Variants in ECHDC2 observed in about 807,000 individuals in gnomAD.
ECHDC2 encodes enoyl-CoA hydratase domain-containing protein 2, mitochondrial.
Under a neutral mutation model 40.6 loss-of-function variants are expected in ECHDC2, and 34 were observed. The ratio of observed to expected loss-of-function variants is 0.84; its 90% CI spans 0.64 to 1.11. The LOEUF is 1.11. ECHDC2 is among the 50% of genes most tolerant of loss of function. The probability of loss-of-function intolerance (pLI) is 0.00; values close to 1 mark genes in which losing one functional copy is unlikely to be tolerated. For missense variants in ECHDC2, 392 were observed against 400.7 expected, an observed-to-expected ratio of 0.98 and a Z score of 0.19; for synonymous variants, 162 against 166.6, an observed-to-expected ratio of 0.97 and a Z score of 0.21.
Position 52,908,015 on chromosome 1 carries a change from CGGTT to C in ECHDC2, c.278-65_278-62del, listed in dbSNP as rs1557498371. The C allele has an allele frequency of 4.0e-6, 6 of 1,514,828 alleles. No individual in the cohort carries two copies. The African/African-American group carries it at 6.9e-5, about 17-fold the overall frequency. 93.8% of individuals were successfully genotyped at this position (1,514,828 alleles called of 1,614,324 possible). The stretch of plus-strand genomic sequence containing the variant: ...AAATGGCACTTTACGGAATCCCAGG[CGGTT>C]AAAGGATCCAGCAAAGAAGACCTGA... On this transcript the variant is annotated intron_variant, in intron 3 of 9. Transcript: ENST00000371522.
chr1:52,907,621 A>T, intron 4 of ECHDC2: 4 of 435,696 alleles, frequency 9.2e-6, no homozygotes, highest in Non-Finnish European at 1.6e-5. Context: ...GGGGAAACTT[A>T]ACTGCTTTGG....
chr1:52,912,027 A>C, intron 1 of ECHDC2: 2 of 1,413,664 alleles, frequency 1.4e-6, no homozygotes, highest in Non-Finnish European at 1.8e-6. Flanking sequence ...GTAAACTGTG[A>C]AGCAAAATGG....
intron 7 of ECHDC2, among the ~76,000 whole-genome samples, chr1:52,903,473 G>A (rs537764070): frequency 2.0e-5 from 3 of 151,828 alleles, no homozygotes; most frequent in Admixed American, 6.6e-5. Context: ...TTTTAGCAAC[G>A]GGATTTTGCT....
rs1557513829 is a variant in ECHDC2, at chr1:52,914,145, G to A, written c.122-2355C>T. The stretch of plus-strand genomic sequence containing the variant: ...TAATTACTATTTGTGAGGAGAACTT[G>A]GAGAAAAAGGACAAACAAGTAAGGG... On this transcript the variant is annotated intron_variant, in intron 1 of 9. Transcript: ENST00000371522. This position sits in a 1 kb window ranked among gnomAD's most constrained non-coding sequence, Gnocchi z 4.0. The A allele has an allele frequency of 4.2e-6, 2 of 476,948 alleles. No individual in the cohort carries two copies. Among genetic ancestry groups the A allele is most frequent in the Non-Finnish European group, 4.0e-6 (1 of 247,674 alleles). The allele number at this position is 476,948 out of a possible 1,614,324, so 29.5% of individuals were successfully genotyped here.
chr1:52,920,131 C>T (rs1185964347), intron 1 of ECHDC2, among the ~76,000 whole-genome samples: 1 of 152,148 alleles, frequency 6.6e-6, no homozygotes, highest in Non-Finnish European at 1.5e-5. Context: ...TCTTGACTGT[C>T]TTAAGAGCTG....
chr1:52,899,320 T>G, intron 7 of ECHDC2, 96 bp from the exon 8 acceptor site: 12 of 1,145,580 alleles, frequency 1.0e-5, no homozygotes, highest in African/African-American at 1.5e-5. Context: ...GGGAGGCAGA[T>G]GTCTGGGTCT....
At chr1:52,910,920 C>T (rs1000175850) in intron 3 of ECHDC2, among the ~76,000 whole-genome samples, 1 of 152,192 alleles carries the variant, frequency 6.6e-6, no homozygotes, top group Non-Finnish European at 1.5e-5. Context: ...TCCTAGACTA[C>T]AGGAAGTCAG....
intron 7 of ECHDC2, 115 bp downstream of exon 7, chr1:52,904,531 A>C: frequency 1.1e-6 from 1 of 921,108 alleles, no homozygotes; most frequent in Non-Finnish European, 1.6e-6. Flanking sequence ...AACTCCAAAG[A>C]GGGTTAATCA....
intron 3 of ECHDC2, among the ~76,000 whole-genome samples, chr1:52,909,586 T>A (rs1192122269): frequency 6.6e-6 from 1 of 151,740 alleles, no homozygotes; most frequent in African/African-American, 2.4e-5. Flanking sequence ...GTTTACAAAT[T>A]TGTGTTGGGC....
chr1:52,910,630 A>C (rs1649238992), intron 3 of ECHDC2, among the ~76,000 whole-genome samples: 1 of 152,186 alleles, frequency 6.6e-6, no homozygotes, highest in Non-Finnish European at 1.5e-5. Context: ...CGGCCTCCCA[A>C]AGTGCTGGGA....
Position 52,911,751 on chromosome 1 carries a change from T to C in ECHDC2, c.161A>G (p.Asn54Ser), listed in dbSNP as rs1356397403. 6.2e-7 allele frequency: 1 copy of C among 1,611,148 alleles called. No individual in the cohort carries two copies. The highest frequency in any genetic ancestry group is 1.3e-5 in the African/African-American group (1 of 74,826). ...EILMNRPSAR[N>S]ALGNVFVSEL... Reference sequence around the variant, plus strand: ...ACTGACGAAGACATTCCCCAAGGCATTGCGGGCAGAAGGTCTGTTCATCAG... The same window carrying C: ...ACTGACGAAGACATTCCCCAAGGCACTGCGGGCAGAAGGTCTGTTCATCAG... The change falls in exon 2 of 10, where the codon AAT (asparagine) becomes AGT (serine). Residue 54 changes from asparagine (N) to serine (S), a missense_variant. Coordinates refer to ENST00000371522, the MANE Select transcript of ECHDC2 (RefSeq NM_001198961.2).
chr1:52,910,330 A>T (rs1276182541), intron 3 of ECHDC2, among the ~76,000 whole-genome samples: 3 of 92,438 alleles, frequency 3.2e-5, no homozygotes, highest in South Asian at 3.8e-4. Flanking sequence ...ATTTTGTGTT[A>T]CTTATATTTC....
intron 7 of ECHDC2, among the ~76,000 whole-genome samples, chr1:52,902,226 G>A (rs912604148): frequency 6.6e-6 from 1 of 152,078 alleles, no homozygotes; most frequent in Non-Finnish European, 1.5e-5. Flanking sequence ...GTGCGATCTC[G>A]GCTCACTGCA....
At position 52,899,161 on chromosome 1, in the gene ECHDC2, A is replaced by C. The variant is rs1287908482; in HGVS notation, c.753+13T>G. The C allele has an allele frequency of 1.2e-6, 2 of 1,614,138 alleles. No homozygotes were observed. The highest frequency in any genetic ancestry group is 3.3e-5 in the Admixed American group (2 of 60,022). ...CTTTAGTGGACCCAAGTCCCAACCC[A>C]AAACCCTCTCACCTCCGTTCCTCGG... On this transcript the variant is annotated intron_variant, in intron 8 of 9. Transcript: ENST00000371522.
At chr1:52,906,439 G>T in intron 5 of ECHDC2, 80 bp downstream of exon 5, 1 of 1,207,422 alleles carries the variant, frequency 8.3e-7, no homozygotes, top group Non-Finnish European at 1.2e-6. Context: ...GTGGCTGACT[G>T]CAGAATGTCC....
At chr1:52,907,808 G>A (rs1003891859) in intron 4 of ECHDC2, 60 bp downstream of exon 4, 23 of 1,419,346 alleles carry the variant, frequency 1.6e-5, no homozygotes, top group South Asian at 2.4e-5. Flanking sequence ...TGGGGGTAGC[G>A]GGACTGTCAT....
intron 1 of ECHDC2, among the ~76,000 whole-genome samples, chr1:52,916,952 G>A (rs1353925488): frequency 2.6e-5 from 4 of 152,170 alleles, no homozygotes; most frequent in Admixed American, 2.6e-4. Flanking sequence ...GGCCAGGCGT[G>A]GTGGCTCACG....
chr1:52,921,514 C>T (rs1327803898), intron 1 of ECHDC2, 39 bp downstream of exon 1: 2 of 1,592,522 alleles, frequency 1.3e-6, no homozygotes, highest in Non-Finnish European at 1.7e-6. Flanking sequence ...CGGCCTAGTC[C>T]CAGTCGCGTC....
In ECHDC2 at chr1:52,905,036, G is replaced by GC. The variant is rs753508962; in HGVS notation, c.511dup (p.Ala171GlyfsTer30). ...GCGGGTGCTGTAGTTGCGATTACCT[G>GC]CCCCCGGGAGGAGCCCTCGCGTGGT... On this transcript the variant is annotated frameshift_variant, in exon 6 of 10. Coordinates refer to ENST00000371522, the MANE Select transcript of ECHDC2 (RefSeq NM_001198961.2). LOFTEE classifies it high-confidence loss of function. 1.2e-4 allele frequency: 188 copies of GC among 1,614,064 alleles called. No homozygotes were observed. The highest frequency in any genetic ancestry group is 1.5e-4 in the Non-Finnish European group (180 of 1,180,024).
Sources: allele counts gnomAD v4.1 joint callset (sites outside exome capture counted in the v4.1 genomes callset), GRCh38; gene constraint gnomAD v4.1.1; non-coding constraint Gnocchi (gnomAD v3.1); transcripts MANE v1.5; gene names NCBI Gene and HGNC (gene_info 2026-07-23, HGNC 2026-07-21).